SYT1: variants seen among roughly 807,000 people sequenced by gnomAD.
SYT1 encodes the protein synaptotagmin 1.
Under a neutral mutation model 44.8 loss-of-function variants are expected in SYT1, and 8 were observed. The ratio of observed to expected loss-of-function variants is 0.18; its 90% confidence interval spans 0.10 to 0.32. The LOEUF (loss-of-function observed/expected upper bound fraction) is 0.32, where lower values mean the gene tolerates loss of function less well. SYT1 is among the 10% of genes least tolerant of loss of function. The pLI, the probability that SYT1 is intolerant of heterozygous loss-of-function variation, is 1.00. For missense variants in SYT1, 286 were observed against 509.3 expected, an observed-to-expected ratio of 0.56 and a Z score of 4.22; for synonymous variants, 154 against 188.8, an observed-to-expected ratio of 0.82 and a Z score of 1.51.
At position 78,934,543 on chromosome 12, in the gene SYT1, C is replaced by G. The variant is rs563775155; in HGVS notation, c.-216-43256C>G. On this transcript the variant is annotated intron_variant, in intron 1 of 10. Transcript: ENST00000261205. Reference sequence around the variant, plus strand: ...TAGAGCAAGACTCTGTCTCAAAAAACAAACAAATAAAACGAAATAACAACA... The same window carrying G: ...TAGAGCAAGACTCTGTCTCAAAAAAGAAACAAATAAAACGAAATAACAACA... 7.9e-5 allele frequency among the ~76,000 whole-genome samples: 12 copies of G among 151,986 alleles called. No individual in the cohort carries two copies. In the South Asian group the frequency reaches 2.3e-3, roughly 29 times the overall value.
intron 9 of SYT1, among the ~76,000 whole-genome samples, chr12:79,401,298 G>T (rs1274973209): frequency 6.6e-6 from 1 of 152,138 alleles, no homozygotes; most frequent in Non-Finnish European, 1.5e-5. Flanking sequence ...GGAGGCTGAG[G>T]CAGGAAGATT....
At chr12:78,931,308 AG>A (rs1301903887) in intron 1 of SYT1, among the ~76,000 whole-genome samples, 27 of 27,580 alleles carry the variant, frequency 9.8e-4, no homozygotes, top group African/African-American at 1.9e-3. Context: ...GGAAGGAAGG[AG>A]AGGGAGGGAG....
chr12:78,865,181 C>T (rs1290043832), intron 1 of SYT1, 72 bp downstream of exon 1: 1 of 152,216 alleles, frequency 6.6e-6, no homozygotes, highest in Non-Finnish European at 1.5e-5. Flanking sequence ...CAAAGATTTT[C>T]TTCTCGATAC....
At chr12:78,891,760 T>C (rs373199886) in intron 1 of SYT1, among the ~76,000 whole-genome samples, 9 of 151,892 alleles carry the variant, frequency 5.9e-5, no homozygotes, top group Admixed American at 2.0e-4. Flanking sequence ...ACACAAATCA[T>C]GGCTGTAGTG....
intron 3 of SYT1, among the ~76,000 whole-genome samples, chr12:79,195,548 G>A (rs1873402014): frequency 6.6e-6 from 1 of 151,822 alleles, no homozygotes; most frequent in Non-Finnish European, 1.5e-5. Context: ...TGAATGAGCT[G>A]GGGTTGGAGA....
Position 79,241,917 on chromosome 12 carries a change from A to G in SYT1, c.166+24232A>G, listed in dbSNP as rs1876537792. Among the ~76,000 whole-genome samples, 4 of 152,234 alleles carry G rather than the reference A, an allele frequency of 2.6e-5. No individual in the cohort carries two copies. In the South Asian group the frequency reaches 6.2e-4, roughly 24 times the overall value. Reference sequence around the variant, plus strand: ...TCCTTAGAAGAGAAGAGAGATACACAGGGAGAACGCCATGTGGCAATGGAG... The same window carrying G: ...TCCTTAGAAGAGAAGAGAGATACACGGGGAGAACGCCATGTGGCAATGGAG... On this transcript the variant is annotated intron_variant, in intron 4 of 10. Coordinates refer to ENST00000261205, the MANE Select transcript of SYT1 (RefSeq NM_005639.3).
At chr12:79,314,101 G>A (rs957452367) in intron 8 of SYT1, among the ~76,000 whole-genome samples, 17 of 146,282 alleles carry the variant, frequency 1.2e-4, no homozygotes, top group Admixed American at 2.0e-4. Flanking sequence ...CCCGGGAGGC[G>A]GAGCTTGCAG....
At chr12:79,066,075 C>T (rs776183011) in intron 3 of SYT1, among the ~76,000 whole-genome samples, 8 of 152,098 alleles carry the variant, frequency 5.3e-5, no homozygotes, top group Non-Finnish European at 1.2e-4. Flanking sequence ...CACAAATACA[C>T]ATGCACACAC....
chr12:78,880,540 A>C (rs906042600), intron 1 of SYT1, among the ~76,000 whole-genome samples: 7 of 151,636 alleles, frequency 4.6e-5, no homozygotes, highest in African/African-American at 1.7e-4. Context: ...CTGATCTCCG[A>C]ATGCCTAAAA....
chr12:78,973,034 T>C (rs975824428), intron 1 of SYT1, among the ~76,000 whole-genome samples: 2 of 152,224 alleles, frequency 1.3e-5, no homozygotes, highest in Non-Finnish European at 2.9e-5. Flanking sequence ...CTTTACCTTC[T>C]ATTTTTCATC....
At chr12:78,877,528 A>G (rs1874237964) in intron 1 of SYT1, among the ~76,000 whole-genome samples, 1 of 151,770 alleles carries the variant, frequency 6.6e-6, no homozygotes, top group African/African-American at 2.4e-5. Context: ...GTATGCATAC[A>G]CACACTATTA....
intron 3 of SYT1, among the ~76,000 whole-genome samples, chr12:79,052,262 T>C (rs1269022824): frequency 6.6e-6 from 1 of 152,168 alleles, no homozygotes; most frequent in Non-Finnish European, 1.5e-5. Flanking sequence ...TAAGTTGGAT[T>C]CCCTATTTAA....
intron 2 of SYT1, among the ~76,000 whole-genome samples, chr12:79,010,887 C>A (rs796396413): frequency 1.3e-5 from 2 of 152,192 alleles, no homozygotes; most frequent in Non-Finnish European, 2.9e-5. Flanking sequence ...AATTCCTGAG[C>A]AATCTTGCTC....
At chr12:79,103,865 T>A (rs1878567521) in intron 3 of SYT1, among the ~76,000 whole-genome samples, 2 of 152,118 alleles carry the variant, frequency 1.3e-5, no homozygotes, top group African/African-American at 4.8e-5. Context: ...CTCTTAAGAA[T>A]ATGTACTTAC....
chr12:79,409,043 G>A lies in SYT1; in HGVS notation c.929-35030G>A, dbSNP rs184185591. Among the ~76,000 whole-genome samples, 319 of 151,986 alleles carry A rather than the reference G, an allele frequency of 2.1e-3. 6 individuals carry two copies. Among genetic ancestry groups the A allele is most frequent in the Admixed American group, 0.019 (296 of 15,234 alleles). ...TACATTCTCAGGTGTAATCATTACC[G>A]TCTTAATAAAGCAAGCAGTTAGTTC... On this transcript the variant is annotated intron_variant, in intron 9 of 10. Coordinates refer to ENST00000261205, the MANE Select transcript of SYT1 (RefSeq NM_005639.3).
chr12:79,017,849 G>A (rs945472112), intron 2 of SYT1, among the ~76,000 whole-genome samples: 2 of 152,068 alleles, frequency 1.3e-5, no homozygotes, highest in Non-Finnish European at 2.9e-5. Flanking sequence ...AAAGCTAGCA[G>A]CCAAGAGTTT....
intron 9 of SYT1, among the ~76,000 whole-genome samples, chr12:79,390,078 G>A (rs1010758187): frequency 2.4e-4 from 36 of 151,800 alleles, no homozygotes; most frequent in African/African-American, 8.2e-4. Flanking sequence ...GACTACAGGC[G>A]CCCGCCACCA....
intron 2 of SYT1, among the ~76,000 whole-genome samples, chr12:79,011,532 GA>G (rs1033221411): frequency 6.6e-6 from 1 of 151,476 alleles, no homozygotes; most frequent in African/African-American, 2.4e-5. Flanking sequence ...TGACCTCTAA[GA>G]ACTTACAACA....
At chr12:79,111,933 A>G (rs373374735) in intron 3 of SYT1, among the ~76,000 whole-genome samples, 1 of 152,018 alleles carries the variant, frequency 6.6e-6, no homozygotes, top group East Asian at 1.9e-4. Context: ...TTTTCATTTC[A>G]ACTTAACTGT....
Sources: allele counts gnomAD v4.1 joint callset (sites outside exome capture counted in the v4.1 genomes callset), GRCh38; gene constraint gnomAD v4.1.1; transcripts MANE v1.5; gene names NCBI Gene and HGNC (gene_info 2026-07-23, HGNC 2026-07-21).